NMNAT1: variants seen among roughly 807,000 people sequenced by gnomAD.
NMNAT1 encodes the protein nicotinamide nucleotide adenylyltransferase 1, also known as nicotinamide/nicotinic acid mononucleotide adenylyltransferase 1.
NMNAT1 carries 11 observed loss-of-function variants against 16.7 expected under a neutral mutation model. That is an observed-to-expected ratio of 0.66 (90% CI 0.41 to 1.09). The LOEUF (loss-of-function observed/expected upper bound fraction) is 1.09. Among genes scored for constraint, NMNAT1 ranks in the 50% least tolerant of loss-of-function variants. The probability of loss-of-function intolerance (pLI) is 0.00; values close to 1 mark genes in which losing one functional copy is unlikely to be tolerated. For missense variants in NMNAT1, 280 were observed against 332.3 expected, an observed-to-expected ratio of 0.84 and a Z score of 1.22; for synonymous variants, 110 against 119.8, an observed-to-expected ratio of 0.92 and a Z score of 0.53.
intron 1 of NMNAT1, chr1:9,960,847 A>G (rs1180261260): frequency 6.6e-6 from 1 of 152,220 alleles, no homozygotes; most frequent in Non-Finnish European, 1.5e-5. Context: ...CAGTCCCGTT[A>G]GAGTTTCCAA....
chr1:9,972,494 C>CAAAAAAAAAAA (rs34232396), intron 2 of NMNAT1: 1 of 142,898 alleles, frequency 7.0e-6, no homozygotes. Flanking sequence ...GACACCATCT[C>CAAAAAAAAAAA]AAAAAAAAAA....
At chr1:9,980,954 C>T in intron 3 of NMNAT1, 77 bp from the exon 4 acceptor site, 1 of 1,486,252 alleles carries the variant, frequency 6.7e-7, no homozygotes, top group Non-Finnish European at 9.0e-7. Context: ...CTGTGCCCAG[C>T]TATAAATAAT....
chr1:9,991,095 T>C, the NMNAT1 span, among the ~76,000 whole-genome samples: 1 of 152,150 alleles, frequency 6.6e-6, no homozygotes, highest in African/African-American at 2.4e-5. Context: ...TTCTGTGATT[T>C]TCATTTTCAG....
chr1:9,952,955 T>C (rs1366642512), intron 1 of NMNAT1, among the ~76,000 whole-genome samples: 1 of 152,052 alleles, frequency 6.6e-6, no homozygotes, highest in Admixed American at 6.6e-5. Flanking sequence ...CTGGGCAAAC[T>C]AATTTTTCCT....
At chr1:9,990,900 C>T in the NMNAT1 span, among the ~76,000 whole-genome samples, 2 of 152,070 alleles carry the variant, frequency 1.3e-5, no homozygotes, top group African/African-American at 4.8e-5. Context: ...CCAGAGATAA[C>T]CTTGAGTCCT....
At chr1:9,987,756 G>C (rs1472103564), downstream of NMNAT1, among the ~76,000 whole-genome samples, 1 of 151,938 alleles carries the variant, frequency 6.6e-6, no homozygotes, top group African/African-American at 2.4e-5. Context: ...TTGAGCCTGG[G>C]ATCTGGAGGC....
Position 9,981,183 on chromosome 1 carries a change from T to C in NMNAT1, c.439+13T>C. ...CCAAAAACAAAAGGTTTGTATGTTT[T>C]AGCAGGACCCACGGACTAGAGTTGA... On this transcript the variant is annotated intron_variant, in intron 4 of 4. Coordinates refer to ENST00000377205, the MANE Select transcript of NMNAT1 (RefSeq NM_022787.4). The C allele has an allele frequency of 1.2e-6, 2 of 1,604,222 alleles. No individual in the cohort carries two copies. The highest frequency in any genetic ancestry group is 2.2e-5 in the East Asian group (1 of 44,758).
At chr1:9,982,276 CA>C (rs765833369) in intron 4 of NMNAT1, 24 bp from the exon 5 acceptor site, 2 of 1,583,636 alleles carry the variant, frequency 1.3e-6, no homozygotes, top group Non-Finnish European at 1.7e-6. Flanking sequence ...AAGCATACCC[CA>C]AAGCTCTGTT....
chr1:9,991,532 A>C, the NMNAT1 span, among the ~76,000 whole-genome samples: 1 of 152,020 alleles, frequency 6.6e-6, no homozygotes, highest in Non-Finnish European at 1.5e-5. Context: ...AGGTGATGTC[A>C]CTCTGGCTTC....
the NMNAT1 span, among the ~76,000 whole-genome samples, chr1:9,994,768 C>T: frequency 2.6e-5 from 4 of 151,564 alleles, no homozygotes; most frequent in South Asian, 2.1e-4. Flanking sequence ...CCCGCCACCA[C>T]GCCCGGCTAA....
intron 3 of NMNAT1, 75 bp from the exon 4 acceptor site, chr1:9,980,956 A>T: frequency 6.7e-7 from 1 of 1,486,964 alleles, no homozygotes; most frequent in South Asian, 1.3e-5. Context: ...GTGCCCAGCT[A>T]TAAATAATGT....
intron 1 of NMNAT1, among the ~76,000 whole-genome samples, chr1:9,969,142 A>G (rs1641632726): frequency 6.6e-6 from 1 of 152,064 alleles, no homozygotes; most frequent in African/African-American, 2.4e-5. Flanking sequence ...CCAAGCAAAA[A>G]GACCTGCGGT....
chr1:9,957,626 G>A (rs1438877992), intron 1 of NMNAT1, among the ~76,000 whole-genome samples: 2 of 152,152 alleles, frequency 1.3e-5, no homozygotes, highest in Non-Finnish European at 2.9e-5. Flanking sequence ...GTTAATTTGC[G>A]ATTTTGGTGA....
chr1:9,950,169 C>A (rs1570674205), intron 1 of NMNAT1, among the ~76,000 whole-genome samples: 2 of 152,286 alleles, frequency 1.3e-5, no homozygotes, highest in East Asian at 3.9e-4. Flanking sequence ...CGGCTCACTA[C>A]AACCTCTGCC....
In NMNAT1 at chr1:9,943,897, C is replaced by T. The variant is rs186339586; in HGVS notation, c.-57+382C>T. On this transcript the variant is annotated intron_variant, in intron 1 of 4. Coordinates refer to ENST00000377205, the MANE Select transcript of NMNAT1 (RefSeq NM_022787.4). ...TCTGTAAAAGACTACATCTACTTTG[C>T]TGGAGGTGGTTTGACACTCATGCTC... Among the ~76,000 whole-genome samples the T allele has an allele frequency of 6.9e-3, 1,047 of 152,222 alleles. 6 individuals are homozygous for T. The highest frequency in any genetic ancestry group is 0.012 in the Non-Finnish European group (787 of 68,006).
At chr1:9,994,101 C>CTTT in the NMNAT1 span, among the ~76,000 whole-genome samples, 5 of 106,204 alleles carry the variant, frequency 4.7e-5, 1 homozygote, top group Admixed American at 2.0e-4. Context: ...CAAATGTTAG[C>CTTT]TTTTTTTTTT....
intron 1 of NMNAT1, among the ~76,000 whole-genome samples, chr1:9,961,571 T>G (rs1641408532): frequency 6.6e-6 from 1 of 152,162 alleles, no homozygotes; most frequent in African/African-American, 2.4e-5. Context: ...ATAAAGGGTA[T>G]GGGTACAAGC....
intron 1 of NMNAT1, among the ~76,000 whole-genome samples, chr1:9,971,081 A>T (rs1337942756): frequency 3.3e-5 from 5 of 151,996 alleles, no homozygotes; most frequent in Non-Finnish European, 7.4e-5. Flanking sequence ...CTGGTCGGGG[A>T]TGGCTATGTT....
At chr1:9,991,070 A>G in the NMNAT1 span, among the ~76,000 whole-genome samples, 1 of 152,178 alleles carries the variant, frequency 6.6e-6, no homozygotes, top group African/African-American at 2.4e-5. Context: ...GAAGGTTAAA[A>G]CTATTATTAG....
Sources: allele counts gnomAD v4.1 joint callset (sites outside exome capture counted in the v4.1 genomes callset), GRCh38; gene constraint gnomAD v4.1.1; transcripts MANE v1.5; gene names NCBI Gene and HGNC (gene_info 2026-07-23, HGNC 2026-07-21).